PCDHGA9: variants seen among roughly 807,000 people sequenced by gnomAD.
PCDHGA9 encodes the protein protocadherin gamma-A9.
A neutral mutation model predicts 62.5 loss-of-function variants in PCDHGA9; 37 were observed. That is an observed-to-expected ratio of 0.59 (90% CI 0.46 to 0.78). The LOEUF (loss-of-function observed/expected upper bound fraction) is 0.78, where lower values mean the gene tolerates loss of function less well. Ranked by LOEUF, PCDHGA9 falls within the 30% of genes least tolerant of loss-of-function variation. PCDHGA9 has a pLI of 0.00. For synonymous variants in PCDHGA9, 459 were observed against 484.6 expected, an observed-to-expected ratio of 0.95 and a Z score of 0.69; for missense variants, 1,138 against 1,166.2, an observed-to-expected ratio of 0.98 and a Z score of 0.35.
At position 141,489,515 on chromosome 5, in the gene PCDHGA9, G is replaced by T; in HGVS notation, c.2425-5292G>T. ...CTGGCAGTGAATCAAAAGATTGACC[G>T]AGAAAGCCTATGTGGAGCCAGCACC... On this transcript the variant is annotated intron_variant, in intron 1 of 3. Coordinates refer to ENST00000573521, the MANE Select transcript of PCDHGA9 (RefSeq NM_018921.3). This position sits in a 1 kb window ranked among gnomAD's most constrained non-coding sequence, Gnocchi z 4.5. 4.3e-6 allele frequency: 7 copies of T among 1,614,104 alleles called. No individual in the cohort carries two copies. Among genetic ancestry groups the T allele is most frequent in the Non-Finnish European group, 5.9e-6 (7 of 1,180,034 alleles).
At chr5:141,497,664 C>T (rs779506763) in intron 2 of PCDHGA9, among the ~76,000 whole-genome samples, 14 of 151,904 alleles carry the variant, frequency 9.2e-5, no homozygotes, top group Non-Finnish European at 1.8e-4. Context: ...CTCAGCCTCC[C>T]GAGTAGCTGG....
rs2099388737 is a variant in PCDHGA9 at position 141,476,307 on chromosome 5, G to T, written c.2425-18500G>T. 1 of 1,613,606 alleles carries T rather than the reference G, an allele frequency of 6.2e-7. No individual in the cohort carries two copies. The highest frequency in any genetic ancestry group is 1.3e-5 in the African/African-American group (1 of 74,728). ...TTGGATCTCGGTAGCCTCTCAGCCC[G>T]CAGGTTCCGGGTGGTGTCTGGAGCT... On this transcript the variant is annotated intron_variant, in intron 1 of 3. Coordinates refer to ENST00000573521, the MANE Select transcript of PCDHGA9 (RefSeq NM_018921.3). The surrounding 1 kb of genome is among the most constrained non-coding windows in gnomAD (Gnocchi z 7.6).
intron 1 of PCDHGA9, among the ~76,000 whole-genome samples, chr5:141,492,782 C>T (rs2099743868): frequency 6.6e-6 from 1 of 152,258 alleles, no homozygotes; most frequent in Non-Finnish European, 1.5e-5. Context: ...GAGTGAGCCT[C>T]TATAGGACAG....
chr5:141,425,881 A>T (rs911454948), intron 1 of PCDHGA9, among the ~76,000 whole-genome samples: 1 of 152,230 alleles, frequency 6.6e-6, no homozygotes, highest in Non-Finnish European at 1.5e-5. Flanking sequence ...TCTCTAAGGA[A>T]TCTTCTTTGG....
chr5:141,511,412 C>A lies in PCDHGA9; in HGVS notation c.*239C>A. 1.1e-6 allele frequency: 1 copy of A among 892,000 alleles called. No homozygotes were observed. Among genetic ancestry groups the A allele is most frequent in the Non-Finnish European group, 1.6e-6 (1 of 609,476 alleles). The allele number at this position is 892,000 out of a possible 1,614,324, so 55.3% of individuals were successfully genotyped here. On this transcript the variant is annotated 3_prime_UTR_variant, in exon 4 of 4. Coordinates refer to ENST00000573521, the MANE Select transcript of PCDHGA9 (RefSeq NM_018921.3). ...AACCCCCATCCAATCAACTGCTGTA[C>A]CCATGGGGGTAGTGGGGTTACTGTA...
At chr5:141,427,869 AC>A in intron 1 of PCDHGA9, 1 of 1,559,604 alleles carries the variant, frequency 6.4e-7, no homozygotes, top group Non-Finnish European at 8.8e-7. Context: ...CTTCGAGCTC[AC>A]GATGCAGGCC....
intron 1 of PCDHGA9, among the ~76,000 whole-genome samples, chr5:141,425,045 C>T (rs1374682125): frequency 6.6e-6 from 1 of 152,136 alleles, no homozygotes; most frequent in East Asian, 1.9e-4. Context: ...TGTAAACTGA[C>T]TATCTAGGGC....
intron 1 of PCDHGA9, chr5:141,478,182 AT>A: frequency 6.2e-7 from 1 of 1,613,984 alleles, no homozygotes. Context: ...CAGAAAAAAA[AT>A]CTCACCTTTT....
At chr5:141,437,652 A>T (rs899628392) in intron 1 of PCDHGA9, among the ~76,000 whole-genome samples, 1 of 152,196 alleles carries the variant, frequency 6.6e-6, no homozygotes, top group African/African-American at 2.4e-5. Context: ...AAGCAAACAC[A>T]TAGTTTCGAA....
chr5:141,423,674 C>G (rs57195665), intron 1 of PCDHGA9: 15 of 1,514,742 alleles, frequency 9.9e-6, no homozygotes, highest in African/African-American at 2.9e-5. Flanking sequence ...AGATTTATTT[C>G]TCTGCCTCCT....
chr5:141,445,311 G>A (rs2098463310), intron 1 of PCDHGA9, among the ~76,000 whole-genome samples: 1 of 152,150 alleles, frequency 6.6e-6, no homozygotes, highest in East Asian at 1.9e-4. Flanking sequence ...CAGTTTGTAG[G>A]TTGAGAGAAC....
At chr5:141,411,341 G>A (rs903980826) in intron 1 of PCDHGA9, 4 of 152,064 alleles carry the variant, frequency 2.6e-5, no homozygotes, top group Admixed American at 6.5e-5. Context: ...AGGCTGAATC[G>A]GAAAGTATCA....
rs781367282 is a variant in PCDHGA9 at position 141,485,525 on chromosome 5, C to G, written c.2425-9282C>G. On this transcript the variant is annotated intron_variant, in intron 1 of 3. Transcript: ENST00000573521. This position sits in a 1 kb window ranked among gnomAD's most constrained non-coding sequence, Gnocchi z 5.7. ...CACCGAAGGTCCTTTGGAAATGTAC[C>G]GAGCAGAGGTAGAGATCGTAGATGT... is the stretch of plus-strand genomic sequence containing the variant. 5 of 1,614,122 alleles carry G rather than the reference C, an allele frequency of 3.1e-6. No homozygotes were observed. The highest frequency in any genetic ancestry group is 2.5e-6 in the Non-Finnish European group (3 of 1,180,022).
rs1423149 is a variant in PCDHGA9, at chr5:141,487,780, C to G, written c.2425-7027C>G. ...TAGACGCTGTGCTTTGTAACTGTTTCGTGAATTAACCAGAGTTGTCACAGT... is the reference window on the plus strand; with the variant it reads ...TAGACGCTGTGCTTTGTAACTGTTTGGTGAATTAACCAGAGTTGTCACAGT... On this transcript the variant is annotated intron_variant, in intron 1 of 3. Transcript: ENST00000573521. This position sits in a 1 kb window ranked among gnomAD's most constrained non-coding sequence, Gnocchi z 5.0. 6.6e-7 allele frequency: 1 copy of G among 1,526,704 alleles called. No individual in the cohort carries two copies. The allele number at this position is 1,526,704 out of a possible 1,614,324, so 94.6% of individuals were successfully genotyped here. A position where few individuals can be genotyped will look rare whatever the true frequency, so the allele number is the denominator to read the frequency against.
chr5:141,485,586 TG>T lies in PCDHGA9; in HGVS notation c.2425-9219del. The T allele has an allele frequency of 6.2e-7, 1 of 1,612,402 alleles. No homozygotes were observed. Among genetic ancestry groups the T allele is most frequent in the Non-Finnish European group, 8.5e-7 (1 of 1,178,600 alleles). Reference sequence around the variant, plus strand: ...GCCCCCCGTTTTCCGCGGCAGCAGCTGGACTTGGAAATTGGGGAGGCAGCTC... The same window carrying T: ...GCCCCCCGTTTTCCGCGGCAGCAGCTGACTTGGAAATTGGGGAGGCAGCTC... On this transcript the variant is annotated intron_variant, in intron 1 of 3. Coordinates refer to ENST00000573521, the MANE Select transcript of PCDHGA9 (RefSeq NM_018921.3). The surrounding 1 kb of genome is among the most constrained non-coding windows in gnomAD (Gnocchi z 5.7).
rs773471969 is a variant in PCDHGA9, at chr5:141,422,101, A to G, written c.2424+16725A>G. 11 of 1,610,046 alleles carry G rather than the reference A, an allele frequency of 6.8e-6. No individual in the cohort carries two copies. The highest frequency in any genetic ancestry group is 4.5e-5 in the East Asian group (2 of 44,870). ...GAACATGGAAAGCAAGGCTTCTGAA[A>G]TATTCCAATTGGATTCACAAACTGG... On this transcript the variant is annotated intron_variant, in intron 1 of 3. Coordinates refer to ENST00000573521, the MANE Select transcript of PCDHGA9 (RefSeq NM_018921.3).
Position 141,505,420 on chromosome 5 carries a change from C to G in PCDHGA9, c.2511C>G (p.Thr837=), listed in dbSNP as rs1236398971. 6.2e-7 allele frequency: 1 copy of G among 1,614,102 alleles called. No individual in the cohort carries two copies. Among genetic ancestry groups the G allele is most frequent in the Non-Finnish European group, 8.5e-7 (1 of 1,180,034 alleles). ...SGSQNGDDTG[T]WPNNQFDTEM... is the part of the protein sequence containing the mutation. ...CCCAAAATGGCGATGACACCGGCACCTGGCCCAACAACCAGTTTGACACAG... is the reference window on the plus strand; with the variant it reads ...CCCAAAATGGCGATGACACCGGCACGTGGCCCAACAACCAGTTTGACACAG... The change falls in exon 3 of 4, where the codon ACC becomes ACG. Residue 837 remains threonine (T), a synonymous_variant. Coordinates refer to ENST00000573521, the MANE Select transcript of PCDHGA9 (RefSeq NM_018921.3).
At chr5:141,414,520 A>G in intron 1 of PCDHGA9, 1 of 1,613,990 alleles carries the variant, frequency 6.2e-7, no homozygotes, top group Non-Finnish European at 8.5e-7. Flanking sequence ...AGTGGCAGAT[A>G]TCAATGACAA....
rs1196201183 is a variant in PCDHGA9, at chr5:141,490,944, G to A, written c.2425-3863G>A. ...ATGCCCCAGCTGTGCTGCACCCACG[G>A]CCAGACTGGGAACACTCAGCCCCCC... On this transcript the variant is annotated intron_variant, in intron 1 of 3. Transcript: ENST00000573521. This position sits in a 1 kb window ranked among gnomAD's most constrained non-coding sequence, Gnocchi z 5.4. 6.2e-7 allele frequency: 1 copy of A among 1,613,488 alleles called. No individual in the cohort carries two copies. The highest frequency in any genetic ancestry group is 1.3e-5 in the African/African-American group (1 of 74,906).
Sources: allele counts gnomAD v4.1 joint callset (sites outside exome capture counted in the v4.1 genomes callset), GRCh38; gene constraint gnomAD v4.1.1; non-coding constraint Gnocchi (gnomAD v3.1); transcripts MANE v1.5; gene names NCBI Gene and HGNC (gene_info 2026-07-23, HGNC 2026-07-21).